Variants in SP4 observed in about 807,000 individuals in gnomAD.
SP4 encodes Sp4 transcription factor, also known as transcription factor Sp4.
SP4 carries 19 observed loss-of-function variants against 72.8 expected under a neutral mutation model. That is an observed-to-expected ratio of 0.26 (90% CI 0.18 to 0.38). The LOEUF is 0.38. Among genes scored for constraint, SP4 ranks in the 10% least tolerant of loss-of-function variants. The pLI is 1.00. For missense variants in SP4, 1,008 were observed against 926.3 expected, an observed-to-expected ratio of 1.09 and a Z score of -1.14; for synonymous variants, 395 against 333.1, an observed-to-expected ratio of 1.19 and a Z score of -2.02.
intron 2 of SP4, 168 bp downstream of exon 2, chr7:21,428,960 G>C (rs1782729619): frequency 1.6e-6 from 1 of 641,472 alleles, no homozygotes; most frequent in African/African-American, 1.8e-5. Context: ...ACCTCTTTGA[G>C]GGTATAACGC....
At chr7:21,445,269 C>G (rs924070098) in intron 3 of SP4, among the ~76,000 whole-genome samples, 10 of 152,044 alleles carry the variant, frequency 6.6e-5, no homozygotes, top group Non-Finnish European at 1.5e-5. Flanking sequence ...CCTTGTAAGG[C>G]TTAAATTTCA....
rs751573677 is a variant in SP4 at position 21,511,165 on chromosome 7, G to A, written c.2251G>A (p.Val751Ile). 6.2e-6 allele frequency: 10 copies of A among 1,614,092 alleles called. No homozygotes were observed. In the African/African-American group the frequency reaches 1.2e-4, roughly 19 times the overall value. ...TACCTCGGGAGAACTGGACTCATCTGTTACAGAGGTGCTTGGCTCCCCAAG... is the reference window on the plus strand; with the variant it reads ...TACCTCGGGAGAACTGGACTCATCTATTACAGAGGTGCTTGGCTCCCCAAG... ...IVTSGELDSS[V>I]TEVLGSPRIV... Residue 751 changes from valine to isoleucine, a missense_variant, in exon 6 of 6, where the codon GTT becomes ATT. Coordinates refer to ENST00000222584, the MANE Select transcript of SP4 (RefSeq NM_003112.5).
At chr7:21,436,844 C>A (rs1232622022) in intron 3 of SP4, among the ~76,000 whole-genome samples, 1 of 152,122 alleles carries the variant, frequency 6.6e-6, no homozygotes, top group Non-Finnish European at 1.5e-5. Flanking sequence ...AATAAATGAG[C>A]CTCTTTCTCC....
At chr7:21,481,236 A>G (rs548502905) in intron 4 of SP4, among the ~76,000 whole-genome samples, 17 of 152,340 alleles carry the variant, frequency 1.1e-4, no homozygotes, top group African/African-American at 3.6e-4. Flanking sequence ...AGAAATGCAG[A>G]CATCTTGCCC....
At chr7:21,507,113 G>A (rs1782018640) in intron 5 of SP4, among the ~76,000 whole-genome samples, 1 of 152,146 alleles carries the variant, frequency 6.6e-6, no homozygotes, top group Non-Finnish European at 1.5e-5. Context: ...TTCAGCCCAG[G>A]TGTAAGAGCT....
chr7:21,460,210 G>A (rs4722033), intron 3 of SP4, among the ~76,000 whole-genome samples: 103,081 of 152,114 alleles, frequency 0.68, 35,474 homozygotes, highest in East Asian at 0.89. Context: ...GGACCCTTGC[G>A]GTGAGTGTTA....
At chr7:21,459,860 G>C (rs1158894139) in intron 3 of SP4, among the ~76,000 whole-genome samples, 2 of 152,194 alleles carry the variant, frequency 1.3e-5, no homozygotes, top group Non-Finnish European at 2.9e-5. Flanking sequence ...TAAGTTCTGA[G>C]AGCATAAAGG....
At chr7:21,461,955 G>A (rs1029938293) in intron 3 of SP4, among the ~76,000 whole-genome samples, 2 of 152,030 alleles carry the variant, frequency 1.3e-5, no homozygotes, top group African/African-American at 4.8e-5. Flanking sequence ...GGTGAAAAGG[G>A]TATGTGAATG....
chr7:21,436,428 A>G (rs376617146), intron 3 of SP4, among the ~76,000 whole-genome samples: 10 of 152,344 alleles, frequency 6.6e-5, no homozygotes, highest in African/African-American at 1.9e-4. Context: ...GTAGGTGGAA[A>G]GAATCTTGGA....
intron 3 of SP4, among the ~76,000 whole-genome samples, chr7:21,458,503 G>A (rs1381757384): frequency 6.6e-6 from 1 of 152,162 alleles, no homozygotes; most frequent in Non-Finnish European, 1.5e-5. Flanking sequence ...CTATAAATGA[G>A]TTTTTAAAAA....
At chr7:21,493,073 G>A (rs144007104) in intron 5 of SP4, among the ~76,000 whole-genome samples, 1 of 152,210 alleles carries the variant, frequency 6.6e-6, no homozygotes, top group East Asian at 1.9e-4. Flanking sequence ...GGTGGCATGT[G>A]CCTGTAGTTC....
At chr7:21,493,433 G>A (rs1023664005) in intron 5 of SP4, among the ~76,000 whole-genome samples, 1 of 152,090 alleles carries the variant, frequency 6.6e-6, no homozygotes, top group Admixed American at 6.5e-5. Flanking sequence ...GCTTTTACTG[G>A]TAAAAAAAGA....
At chr7:21,451,105 C>T (rs1012284426) in intron 3 of SP4, among the ~76,000 whole-genome samples, 2 of 152,178 alleles carry the variant, frequency 1.3e-5, no homozygotes, top group African/African-American at 2.4e-5. Flanking sequence ...AGGGGCTGCA[C>T]GTGCAGTGTG....
At chr7:21,499,478 G>A (rs765062931) in intron 5 of SP4, among the ~76,000 whole-genome samples, 3 of 152,116 alleles carry the variant, frequency 2.0e-5, no homozygotes, top group Admixed American at 6.6e-5. Flanking sequence ...ACAAAGGCAG[G>A]GATTGAAGCA....
chr7:21,480,516 A>G (rs1392143771), intron 4 of SP4, among the ~76,000 whole-genome samples: 1 of 152,328 alleles, frequency 6.6e-6, no homozygotes, highest in South Asian at 2.1e-4. Context: ...TAATTGCCGT[A>G]GAATTGTTCA....
chr7:21,487,558 G>A (rs1784853925), intron 5 of SP4, among the ~76,000 whole-genome samples: 1 of 151,934 alleles, frequency 6.6e-6, no homozygotes. Context: ...ATCATTGTTG[G>A]TGGGTTTTGT....
At chr7:21,492,521 A>C (rs1223146503) in intron 5 of SP4, among the ~76,000 whole-genome samples, 2 of 152,100 alleles carry the variant, frequency 1.3e-5, no homozygotes, top group Non-Finnish European at 2.9e-5. Context: ...TGGGAAAAAA[A>C]TCCAAAATCT....
Position 21,490,496 on chromosome 7 carries a change from C to G in SP4, c.2107+8373C>G, listed in dbSNP as rs553961845. Among the ~76,000 whole-genome samples the G allele has an allele frequency of 2.6e-5, 4 of 152,270 alleles. No individual in the cohort carries two copies. The East Asian group carries it at 5.8e-4, about 22-fold the overall frequency. The stretch of plus-strand genomic sequence containing the variant: ...AGGTAAATCAACATCATTTTTCTGT[C>G]TTGCCACTTCTACTCTGAAGGTGGT... On this transcript the variant is annotated intron_variant, in intron 5 of 5. Coordinates refer to ENST00000222584, the MANE Select transcript of SP4 (RefSeq NM_003112.5).
chr7:21,467,285 A>G (rs1784195530), intron 3 of SP4, among the ~76,000 whole-genome samples: 1 of 152,166 alleles, frequency 6.6e-6, no homozygotes, highest in Admixed American at 6.5e-5. Context: ...GCTTAAAGGT[A>G]CTTAGAGCCA....
Sources: gnomAD v4.1 joint callset for allele counts (sites outside exome capture counted in the v4.1 genomes callset) on GRCh38, gnomAD v4.1.1 for gene constraint, MANE v1.5 for transcripts, NCBI Gene and HGNC (gene_info 2026-07-23, HGNC 2026-07-21) for gene names.